NKAIN2: variants seen among roughly 807,000 people sequenced by gnomAD.
NKAIN2 encodes sodium/potassium-transporting ATPase subunit beta-1-interacting protein 2.
In NKAIN2, 14 loss-of-function variants were observed where a neutral mutation model predicts 32.6. The observed-to-expected ratio is 0.43, with a 90% CI of 0.28 to 0.67. NKAIN2 has a LOEUF of 0.67. Among genes scored for constraint, NKAIN2 ranks in the 30% least tolerant of loss-of-function variants. The pLI is 0.17. For missense variants in NKAIN2, 198 were observed against 258.3 expected (o/e 0.77, Z 1.60); for synonymous variants, 80 against 87.2 (o/e 0.92, Z 0.46).
At chr6:124,332,223 G>GTA (rs1427637293) in intron 2 of NKAIN2, among the ~76,000 whole-genome samples, 7 of 149,438 alleles carry the variant, frequency 4.7e-5, no homozygotes, top group East Asian at 2.0e-4. Flanking sequence ...GTGTGTGTGT[G>GTA]TATATACACA....
At chr6:124,022,797 C>T (rs941443866) in intron 1 of NKAIN2, among the ~76,000 whole-genome samples, 4 of 152,020 alleles carry the variant, frequency 2.6e-5, no homozygotes, top group Admixed American at 1.3e-4. Flanking sequence ...CCTTTCTTTC[C>T]CTTGCCCTCC....
intron 1 of NKAIN2, among the ~76,000 whole-genome samples, chr6:123,954,759 G>A (rs372257543): frequency 1.3e-3 from 197 of 152,198 alleles, no homozygotes; most frequent in Middle Eastern, 3.4e-3. Context: ...CCTTTCTCTG[G>A]CTTGTTTATT....
intron 3 of NKAIN2, among the ~76,000 whole-genome samples, chr6:124,422,071 A>G (rs1774779454): frequency 6.6e-6 from 1 of 151,576 alleles, no homozygotes; most frequent in African/African-American, 2.4e-5. Context: ...TTGCTTATAG[A>G]ATGACAGAAA....
chr6:124,292,339 A>G (rs1292249934), intron 2 of NKAIN2, among the ~76,000 whole-genome samples: 8 of 152,026 alleles, frequency 5.3e-5, no homozygotes, highest in Admixed American at 5.3e-4. Context: ...ATCAATATCC[A>G]TCTCTTTGTC....
intron 1 of NKAIN2, among the ~76,000 whole-genome samples, chr6:123,827,746 G>A (rs1412882455): frequency 2.0e-5 from 3 of 151,792 alleles, no homozygotes; most frequent in African/African-American, 7.3e-5. Context: ...ATTTTGAAAA[G>A]GTGTAAGTTA....
chr6:123,843,196 C>T lies in NKAIN2; in HGVS notation c.54+38942C>T, dbSNP rs561292488. Among the ~76,000 whole-genome samples, 9 of 152,244 alleles carry T rather than the reference C, an allele frequency of 5.9e-5. No homozygotes were observed. The East Asian group carries it at 1.7e-3, about 29-fold the overall frequency. ...CTCAGTGTGACAGACTTTTTGGGTT[C>T]CCGCACCCAGTGTGTCCCGAATTCT... On this transcript the variant is annotated intron_variant, in intron 1 of 6. Coordinates refer to ENST00000368417, the MANE Select transcript of NKAIN2 (RefSeq NM_001040214.3).
chr6:124,162,788 A>G (rs1273889798), intron 1 of NKAIN2, among the ~76,000 whole-genome samples: 2 of 152,076 alleles, frequency 1.3e-5, no homozygotes, highest in Non-Finnish European at 2.9e-5. Flanking sequence ...ATAGCATTTA[A>G]AGGTATTACT....
At chr6:123,860,322 C>T (rs1265140129) in intron 1 of NKAIN2, among the ~76,000 whole-genome samples, 1 of 152,146 alleles carries the variant, frequency 6.6e-6, no homozygotes, top group African/African-American at 2.4e-5. Context: ...AGTATATTAT[C>T]TCCAGAAACA....
At chr6:124,443,456 G>T (rs1775772739) in intron 3 of NKAIN2, among the ~76,000 whole-genome samples, 1 of 152,112 alleles carries the variant, frequency 6.6e-6, no homozygotes, top group Admixed American at 6.6e-5. Context: ...GTACTAATCT[G>T]CTCTAGCAAA....
intron 1 of NKAIN2, among the ~76,000 whole-genome samples, chr6:124,279,086 A>G (rs986121516): frequency 6.6e-6 from 1 of 152,188 alleles, no homozygotes; most frequent in African/African-American, 2.4e-5. Flanking sequence ...CATGACAGAT[A>G]TATGCCTATA....
chr6:124,679,956 A>AAAGAT (rs1773537836), intron 4 of NKAIN2, among the ~76,000 whole-genome samples: 1 of 152,180 alleles, frequency 6.6e-6, no homozygotes, highest in Admixed American at 6.5e-5. Flanking sequence ...ATGTGATGTG[A>AAAGAT]AAGATAACAG....
chr6:124,064,315 A>G (rs1478179669), intron 1 of NKAIN2, among the ~76,000 whole-genome samples: 1 of 152,180 alleles, frequency 6.6e-6, no homozygotes, highest in Non-Finnish European at 1.5e-5. Flanking sequence ...AAATATTACA[A>G]AAATATTTGT....
intron 3 of NKAIN2, among the ~76,000 whole-genome samples, chr6:124,382,585 A>G (rs1258108737): frequency 6.6e-6 from 1 of 152,154 alleles, no homozygotes; most frequent in Non-Finnish European, 1.5e-5. Context: ...ATGGCAGACA[A>G]TGTAAAAGCA....
At chr6:123,916,635 T>C (rs1775509622) in intron 1 of NKAIN2, among the ~76,000 whole-genome samples, 1 of 152,056 alleles carries the variant, frequency 6.6e-6, no homozygotes, top group Non-Finnish European at 1.5e-5. Context: ...AAAAGGTGGA[T>C]ATGAAGGTGG....
At chr6:124,268,879 T>C (rs1422183010) in intron 1 of NKAIN2, among the ~76,000 whole-genome samples, 1 of 152,104 alleles carries the variant, frequency 6.6e-6, no homozygotes, top group Admixed American at 6.5e-5. Flanking sequence ...TTAATCTTTC[T>C]CTCTGCCTCA....
At chr6:124,370,850 C>A (rs1164949497) in intron 3 of NKAIN2, among the ~76,000 whole-genome samples, 1 of 151,916 alleles carries the variant, frequency 6.6e-6, no homozygotes, top group African/African-American at 2.4e-5. Flanking sequence ...AAGGCTGTGA[C>A]CCCCCCGGAA....
chr6:123,822,195 C>T (rs147884765), intron 1 of NKAIN2, among the ~76,000 whole-genome samples: 8 of 152,114 alleles, frequency 5.3e-5, no homozygotes, highest in East Asian at 3.9e-4. Flanking sequence ...TCTTTGCACT[C>T]GGATGACTGT....
At chr6:123,834,474 C>G (rs569596026) in intron 1 of NKAIN2, among the ~76,000 whole-genome samples, 82 of 152,140 alleles carry the variant, frequency 5.4e-4, no homozygotes, top group African/African-American at 1.6e-3. Flanking sequence ...GTTTTTTTGT[C>G]AATTCTTCTA....
chr6:124,469,004 TATATC>T (rs1460870690), intron 3 of NKAIN2, among the ~76,000 whole-genome samples: 1 of 152,210 alleles, frequency 6.6e-6, no homozygotes, highest in African/African-American at 2.4e-5. Context: ...CTAATCTACT[TATATC>T]AATTCTGCCC....
Sources: gnomAD v4.1 joint callset for allele counts (sites outside exome capture counted in the v4.1 genomes callset) on GRCh38, gnomAD v4.1.1 for gene constraint, MANE v1.5 for transcripts, NCBI Gene and HGNC (gene_info 2026-07-23, HGNC 2026-07-21) for gene names.